ADGRV1: variants seen among roughly 807,000 people sequenced by gnomAD.
ADGRV1 encodes the protein G-protein coupled receptor 98.
A neutral mutation model predicts 596.2 loss-of-function variants in ADGRV1; 359 were observed. That is an observed-to-expected ratio of 0.60 (90% confidence interval 0.55 to 0.66). The LOEUF (loss-of-function observed/expected upper bound fraction) is 0.66, where lower values mean the gene tolerates loss of function less well. Ranked by LOEUF, ADGRV1 falls within the 30% of genes least tolerant of loss-of-function variation. ADGRV1 has a pLI of 0.00. For synonymous variants in ADGRV1, 2,681 were observed against 2,679.2 expected (o/e 1.00, Z -0.02); for missense variants, 7,274 against 7,575.6 (o/e 0.96, Z 1.48).
At chr5:90,699,758 C>T (rs1025235290) in intron 34 of ADGRV1, among the ~76,000 whole-genome samples, 1 of 152,120 alleles carries the variant, frequency 6.6e-6, no homozygotes, top group African/African-American at 2.4e-5. Flanking sequence ...GATATGAACA[C>T]CTACAGTCTG....
chr5:91,072,511 G>C lies in ADGRV1; in HGVS notation c.18217G>C (p.Val6073Leu), dbSNP rs377173958. ...AGCTCTTGTTCCTTTGACGTGCCTC[G>C]TGGTGGTGTTCGTGGTGTTCATCCA... The part of the protein sequence containing the change: ...TAALVPLTCL[V>L]VVFVVFIHAY... Residue 6073 changes from valine (V) to leucine (L), a missense_variant, in exon 86 of 90, where the codon GTG becomes CTG. By Grantham distance (32) the Val-to-Leu change is conservative (BLOSUM62 1). This residue lies in a region of ADGRV1 where 1,874 missense variants were observed against 1,970.2 expected (regional missense o/e 0.95). Transcript: ENST00000405460. The C allele has an allele frequency of 6.2e-7, 1 of 1,613,740 alleles. No individual in the cohort carries two copies. Among genetic ancestry groups the C allele is most frequent in the Non-Finnish European group, 8.5e-7 (1 of 1,179,702 alleles).
intron 18 of ADGRV1, 108 bp from the exon 19 acceptor site, chr5:90,652,238 G>A (rs538694643): frequency 5.5e-6 from 4 of 729,164 alleles, no homozygotes; most frequent in East Asian, 2.9e-5. Context: ...CAGCTGGTTT[G>A]TTTCTTTTAA....
chr5:90,706,030 G>T (rs760013242), intron 37 of ADGRV1, among the ~76,000 whole-genome samples: 5 of 152,062 alleles, frequency 3.3e-5, no homozygotes, highest in Admixed American at 6.6e-5. Flanking sequence ...AAGTCTAGAG[G>T]CAGGGAAATA....
At chr5:90,643,087 G>A in intron 13 of ADGRV1, 46 bp downstream of exon 13, 1 of 1,436,940 alleles carries the variant, frequency 7.0e-7, no homozygotes, top group Non-Finnish European at 9.7e-7. Flanking sequence ...AAGATTGATA[G>A]TATTTGGTAT....
At chr5:90,655,684 C>T (rs981475134) in intron 20 of ADGRV1, 1 of 152,058 alleles carries the variant, frequency 6.6e-6, no homozygotes, top group African/African-American at 2.4e-5. Flanking sequence ...GAGAGTTCCA[C>T]TTAATTAATG....
intron 83 of ADGRV1, among the ~76,000 whole-genome samples, chr5:90,950,372 A>T (rs1247761407): frequency 6.6e-6 from 1 of 152,094 alleles, no homozygotes; most frequent in Non-Finnish European, 1.5e-5. Context: ...TCCATGCTGG[A>T]GTGCAGTGGG....
intron 74 of ADGRV1, among the ~76,000 whole-genome samples, chr5:90,814,476 A>G (rs968734368): frequency 6.6e-6 from 1 of 152,046 alleles, no homozygotes; most frequent in South Asian, 2.1e-4. Context: ...TTTCATCTCC[A>G]GTTGTAATCC....
At chr5:91,030,700 C>T (rs1288443247) in intron 85 of ADGRV1, among the ~76,000 whole-genome samples, 1 of 152,072 alleles carries the variant, frequency 6.6e-6, no homozygotes, top group Non-Finnish European at 1.5e-5. Flanking sequence ...CTATGTTGCA[C>T]AGTAGAATAG....
chr5:90,949,297 G>A (rs1776864342), intron 83 of ADGRV1, among the ~76,000 whole-genome samples: 1 of 152,030 alleles, frequency 6.6e-6, no homozygotes, highest in African/African-American at 2.4e-5. Context: ...TACTTTATAT[G>A]GGTCTGTGTG....
chr5:90,783,168 C>T lies in ADGRV1; in HGVS notation c.13276C>T (p.His4426Tyr). 6.2e-7 allele frequency: 1 copy of T among 1,613,622 alleles called. No homozygotes were observed. The highest frequency in any genetic ancestry group is 8.5e-7 in the Non-Finnish European group (1 of 1,179,636). ...GATCATGATCCCAGTGGTGAGGCTA[C>T]ATGGAACTTATGGCTATGTGACAGC... is the stretch of plus-strand genomic sequence containing the variant. Reference protein sequence around the residue: ...GLIMIPVVRLHGTYGYVTADF... With the variant: ...GLIMIPVVRLYGTYGYVTADF... The change falls in exon 66 of 90, where the codon CAT becomes TAT. Residue 4426 changes from histidine (H) to tyrosine (Y), a missense_variant. Physicochemically the swap from His to Tyr is moderately conservative, Grantham distance 83. Transcript: ENST00000405460.
At chr5:90,633,442 C>T (rs986858807) in intron 9 of ADGRV1, among the ~76,000 whole-genome samples, 1 of 151,944 alleles carries the variant, frequency 6.6e-6, no homozygotes, top group Non-Finnish European at 1.5e-5. Context: ...ATCAGTTTAG[C>T]TCTTTTTGAA....
At chr5:90,711,457 G>T in intron 41 of ADGRV1, 135 bp downstream of exon 41, 1 of 625,398 alleles carries the variant, frequency 1.6e-6, no homozygotes, top group African/African-American at 1.9e-5. Context: ...AGTAAATTAG[G>T]ACAGAAGATT....
intron 1 of ADGRV1, among the ~76,000 whole-genome samples, chr5:90,605,931 G>GAA (rs35460647): frequency 1.3e-5 from 2 of 150,520 alleles, no homozygotes; most frequent in Non-Finnish European, 3.0e-5. Flanking sequence ...AAAGGATGAT[G>GAA]AAAAAAAAAG....
intron 83 of ADGRV1, among the ~76,000 whole-genome samples, chr5:90,890,924 A>C (rs1374335134): frequency 6.6e-6 from 1 of 151,928 alleles, no homozygotes; most frequent in Non-Finnish European, 1.5e-5. Context: ...AATCTTTTTA[A>C]ATTGGCATTT....
At chr5:91,159,779 TCA>T (rs1447572850) in intron 89 of ADGRV1, among the ~76,000 whole-genome samples, 1 of 152,054 alleles carries the variant, frequency 6.6e-6, no homozygotes, top group Non-Finnish European at 1.5e-5. Flanking sequence ...ATGGGAACAG[TCA>T]CCCTGGGACA....
intron 83 of ADGRV1, among the ~76,000 whole-genome samples, chr5:90,870,953 T>G (rs1186918277): frequency 6.6e-6 from 1 of 152,218 alleles, no homozygotes; most frequent in African/African-American, 2.4e-5. Context: ...GACTCCCTGC[T>G]AATGCACCTA....
intron 87 of ADGRV1, among the ~76,000 whole-genome samples, chr5:91,114,608 A>G (rs1328548928): frequency 6.6e-6 from 1 of 152,128 alleles, no homozygotes; most frequent in African/African-American, 2.4e-5. Flanking sequence ...ATCTATTTAT[A>G]GTTTTCTCTC....
intron 82 of ADGRV1, among the ~76,000 whole-genome samples, chr5:90,856,920 G>A (rs1343227780): frequency 1.3e-5 from 2 of 152,094 alleles, no homozygotes; most frequent in East Asian, 3.8e-4. Flanking sequence ...CATATCTCTT[G>A]TATTTGGTAT....
At chr5:90,767,508 A>G (rs1314488457) in intron 59 of ADGRV1, among the ~76,000 whole-genome samples, 1 of 152,222 alleles carries the variant, frequency 6.6e-6, no homozygotes, top group East Asian at 1.9e-4. Flanking sequence ...AATAAATTTT[A>G]AAAACCTATG....
Sources: gnomAD v4.1 joint callset for allele counts (sites outside exome capture counted in the v4.1 genomes callset) on GRCh38, gnomAD v4.1.1 for gene constraint, gnomAD v4.1.1 regional missense constraint, MANE v1.5 for transcripts, NCBI Gene and HGNC (gene_info 2026-07-23, HGNC 2026-07-21) for gene names.